Variants in ARMH4 observed in about 807,000 individuals in gnomAD.
The protein encoded by ARMH4 is armadillo-like helical domain-containing protein 4.
A neutral mutation model predicts 61.9 loss-of-function variants in ARMH4; 49 were observed. The ratio of observed to expected loss-of-function variants is 0.79; its 90% confidence interval spans 0.63 to 1.00. The LOEUF is 1.00. ARMH4 is among the 50% of genes least tolerant of loss of function. The pLI, the probability that ARMH4 is intolerant of heterozygous loss-of-function variation, is 0.00. For synonymous variants in ARMH4, 368 were observed against 341.5 expected, an observed-to-expected ratio of 1.08 and a Z score of -0.85; for missense variants, 934 against 930.0, an observed-to-expected ratio of 1.00 and a Z score of -0.06.
At chr14:58,122,273 G>A (rs1886748719) in intron 4 of ARMH4, among the ~76,000 whole-genome samples, 1 of 152,180 alleles carries the variant, frequency 6.6e-6, no homozygotes, top group Admixed American at 6.5e-5. Context: ...ATGGCCTTCT[G>A]ATGGGATTTT....
At chr14:58,025,850 G>C (rs1385374803) in intron 5 of ARMH4, among the ~76,000 whole-genome samples, 1 of 151,998 alleles carries the variant, frequency 6.6e-6, no homozygotes, top group Non-Finnish European at 1.5e-5. Context: ...TAAATAGAAT[G>C]ACCCACTTCT....
At chr14:58,076,098 G>T (rs970921965) in intron 5 of ARMH4, among the ~76,000 whole-genome samples, 2 of 147,086 alleles carry the variant, frequency 1.4e-5, no homozygotes, top group Non-Finnish European at 3.0e-5. Flanking sequence ...GAAGGGGAGG[G>T]GAAGGGGGAG....
intron 4 of ARMH4, among the ~76,000 whole-genome samples, chr14:58,099,050 T>C (rs777931534): frequency 6.6e-6 from 1 of 152,008 alleles, no homozygotes; most frequent in Non-Finnish European, 1.5e-5. Context: ...CAATGTGAGA[T>C]GCAGGAGGAA....
chr14:58,005,943 T>A (rs1284497924), intron 6 of ARMH4, among the ~76,000 whole-genome samples: 1 of 152,108 alleles, frequency 6.6e-6, no homozygotes, highest in African/African-American at 2.4e-5. Flanking sequence ...AGAAAGGAAG[T>A]GGCAGAGAAG....
chr14:58,147,576 T>A (rs1353942234), intron 1 of ARMH4, among the ~76,000 whole-genome samples: 1 of 152,012 alleles, frequency 6.6e-6, no homozygotes, highest in Non-Finnish European at 1.5e-5. Context: ...GCCTCCCAAA[T>A]TGCTTGGATT....
In ARMH4 at chr14:58,138,101, C is replaced by G. The variant is rs768503569; in HGVS notation, c.1258G>C (p.Asp420His). Residue 420 changes from aspartate (D) to histidine (H), a missense_variant, in exon 2 of 8, where the codon GAC becomes CAC. Transcript: ENST00000267485. Reference protein sequence around the residue: ...SIVNLLQSTGDFTESTKENDA... With the variant: ...SIVNLLQSTGHFTESTKENDA... ...TTTTCCTTGGTGGATTCCGTGAAGT[C>G]TCCCGTACTTTGGAGCAAGTTCACA... is the stretch of plus-strand genomic sequence containing the variant. 5 of 1,614,238 alleles carry G rather than the reference C, an allele frequency of 3.1e-6. No individual in the cohort carries two copies. Among genetic ancestry groups the G allele is most frequent in the Non-Finnish European group, 4.2e-6 (5 of 1,180,040 alleles).
At chr14:58,098,898 G>A (rs1009258366) in intron 4 of ARMH4, among the ~76,000 whole-genome samples, 14 of 152,000 alleles carry the variant, frequency 9.2e-5, no homozygotes, top group Non-Finnish European at 1.8e-4. Flanking sequence ...CAAAGCAAGA[G>A]ATGAAAAAAG....
chr14:58,131,595 G>T lies in ARMH4; in HGVS notation c.1748C>A (p.Ser583Tyr), dbSNP rs369518678. The change falls in exon 4 of 8, where the codon TCC (serine) becomes TAC (tyrosine). Residue 583 changes from serine to tyrosine, a missense_variant. Physicochemically the swap from Ser to Tyr is moderately radical, Grantham distance 144. Transcript: ENST00000267485. The stretch of plus-strand genomic sequence containing the variant: ...TGGAACAACAGTTCTTCTCTCAGAG[G>T]ATGCCTCCAAAGCAGGAAGTGCAGG... ...ISPALPALEA[S>Y]SERRTVVPSI... The T allele has an allele frequency of 1.9e-6, 3 of 1,614,176 alleles. No individual in the cohort carries two copies. The highest frequency in any genetic ancestry group is 1.7e-6 in the Non-Finnish European group (2 of 1,180,020).
At chr14:58,112,450 A>G (rs964928240) in intron 4 of ARMH4, among the ~76,000 whole-genome samples, 1 of 152,020 alleles carries the variant, frequency 6.6e-6, no homozygotes, top group African/African-American at 2.4e-5. Context: ...TTATCACTCA[A>G]TAAGAAGGGC....
intron 5 of ARMH4, among the ~76,000 whole-genome samples, chr14:58,073,221 A>G (rs960334363): frequency 6.6e-6 from 1 of 152,218 alleles, no homozygotes; most frequent in African/African-American, 2.4e-5. Flanking sequence ...GAAACACACC[A>G]AAAGCCTAGA....
rs1414643450 is a variant in ARMH4 at position 58,133,079 on chromosome 14, C to A, written c.1621+11G>T. 2 of 1,613,746 alleles carry A rather than the reference C, an allele frequency of 1.2e-6. No individual in the cohort carries two copies. The highest frequency in any genetic ancestry group is 1.7e-6 in the Non-Finnish European group (2 of 1,179,848). On this transcript the variant is annotated intron_variant, in intron 3 of 7. Transcript: ENST00000267485. ...CCCCCAAAACAGAGTCCAATATCCTCCCTTACAGACCTTCCACAGTGGGAG... is the reference window on the plus strand; with the variant it reads ...CCCCCAAAACAGAGTCCAATATCCTACCTTACAGACCTTCCACAGTGGGAG...
intron 5 of ARMH4, among the ~76,000 whole-genome samples, chr14:58,012,457 T>C (rs1882445582): frequency 6.6e-6 from 1 of 152,174 alleles, no homozygotes; most frequent in South Asian, 2.1e-4. Flanking sequence ...CTTTAAAATA[T>C]CAAGTTCATT....
intron 4 of ARMH4, among the ~76,000 whole-genome samples, chr14:58,124,762 T>G (rs1479712443): frequency 6.6e-6 from 1 of 152,178 alleles, no homozygotes; most frequent in African/African-American, 2.4e-5. Context: ...CTGATGGAAG[T>G]TCCTTTGTAG....
At chr14:58,147,486 T>C (rs1594786198) in intron 1 of ARMH4, among the ~76,000 whole-genome samples, 1 of 152,106 alleles carries the variant, frequency 6.6e-6, no homozygotes, top group East Asian at 1.9e-4. Context: ...AGCTAGTTTG[T>C]GTGTTTTTAG....
At chr14:58,009,777 C>G (rs1308676233) in intron 6 of ARMH4, among the ~76,000 whole-genome samples, 1 of 138,642 alleles carries the variant, frequency 7.2e-6, no homozygotes, top group African/African-American at 2.7e-5. Context: ...TGCCACTGCA[C>G]TCCAGCCTGG....
rs1013491445 is a variant in ARMH4 at position 58,114,869 on chromosome 14, T to C, written c.1831+16643A>G. ...GGACTCACTATTCAATAAATGATGC[T>C]GGGATAGCTGGCTAGCCAAATGCAG... On this transcript the variant is annotated intron_variant, in intron 4 of 7. Transcript: ENST00000267485. Among the ~76,000 whole-genome samples, 18 of 152,294 alleles carry C rather than the reference T, an allele frequency of 1.2e-4. No individual in the cohort carries two copies. The South Asian group carries it at 1.5e-3, about 12-fold the overall frequency.
chr14:58,098,520 A>T (rs145705447), intron 4 of ARMH4, among the ~76,000 whole-genome samples: 94 of 152,346 alleles, frequency 6.2e-4, no homozygotes, highest in African/African-American at 2.1e-3. Flanking sequence ...GCTATTTTAG[A>T]AAGGGTGATT....
intron 5 of ARMH4, among the ~76,000 whole-genome samples, chr14:58,056,789 T>C (rs1170916588): frequency 6.6e-6 from 1 of 152,234 alleles, no homozygotes; most frequent in Non-Finnish European, 1.5e-5. Context: ...TCTCCCCTTT[T>C]TCTGTAACAA....
chr14:58,025,724 T>A (rs1882999312), intron 5 of ARMH4, among the ~76,000 whole-genome samples: 1 of 152,130 alleles, frequency 6.6e-6, no homozygotes, highest in African/African-American at 2.4e-5. Context: ...AATCTTGAGT[T>A]TTTCTAGCTA....
Sources: gnomAD v4.1 joint callset for allele counts (sites outside exome capture counted in the v4.1 genomes callset) on GRCh38, gnomAD v4.1.1 for gene constraint, MANE v1.5 for transcripts, NCBI Gene and HGNC (gene_info 2026-07-23, HGNC 2026-07-21) for gene names.